VPS13C: variants seen among roughly 807,000 people sequenced by gnomAD.
VPS13C encodes intermembrane lipid transfer protein VPS13C.
A neutral mutation model predicts 456.8 loss-of-function variants in VPS13C; 358 were observed. That is an observed-to-expected ratio of 0.78 (90% CI 0.72 to 0.86). The LOEUF is 0.86. Among genes scored for constraint, VPS13C ranks in the 40% least tolerant of loss-of-function variants. The pLI, the probability that VPS13C is intolerant of heterozygous loss-of-function variation, is 0.00. For synonymous variants in VPS13C, 1,578 were observed against 1,486.7 expected, an observed-to-expected ratio of 1.06 and a Z score of -1.41; for missense variants, 4,818 against 4,385.4, an observed-to-expected ratio of 1.10 and a Z score of -2.79.
intron 80 of VPS13C, 76 bp from the exon 81 acceptor site, chr15:61,868,849 A>G: frequency 8.6e-7 from 1 of 1,156,592 alleles, no homozygotes; most frequent in Non-Finnish European, 1.2e-6. Context: ...GATTAAATAC[A>G]TAAATATTTC....
intron 24 of VPS13C, among the ~76,000 whole-genome samples, chr15:61,975,148 T>C (rs1220675969): frequency 1.3e-5 from 2 of 152,050 alleles, no homozygotes; most frequent in Non-Finnish European, 2.9e-5. Flanking sequence ...GAGGGAAATA[T>C]AAAGCACTAA....
At chr15:62,002,464 T>C (rs1202134710) in intron 15 of VPS13C, among the ~76,000 whole-genome samples, 10 of 152,202 alleles carry the variant, frequency 6.6e-5, no homozygotes, top group Non-Finnish European at 1.5e-4. Flanking sequence ...TCCCATTTTG[T>C]AGGTTGCCTG....
intron 3 of VPS13C, among the ~76,000 whole-genome samples, chr15:62,040,796 T>C (rs1285817539): frequency 1.3e-5 from 2 of 152,178 alleles, no homozygotes; most frequent in Non-Finnish European, 2.9e-5. Flanking sequence ...AAATTTCCTA[T>C]TGAAAAAATT....
chr15:61,895,611 T>C (rs530083690), intron 66 of VPS13C, among the ~76,000 whole-genome samples: 1 of 152,204 alleles, frequency 6.6e-6, no homozygotes, highest in East Asian at 1.9e-4. Flanking sequence ...CAGAGATAAA[T>C]TTCTGGACAC....
chr15:61,988,106 T>G (rs1428984196), intron 18 of VPS13C, among the ~76,000 whole-genome samples: 3 of 152,184 alleles, frequency 2.0e-5, no homozygotes, highest in African/African-American at 7.2e-5. Flanking sequence ...AATATTATTT[T>G]GAGCAAAAGA....
In VPS13C at chr15:61,949,487, A is replaced by C; in HGVS notation, c.4715T>G (p.Leu1572Arg). The C allele has an allele frequency of 1.9e-6, 3 of 1,613,578 alleles. No individual in the cohort carries two copies. Among genetic ancestry groups the C allele is most frequent in the Non-Finnish European group, 2.5e-6 (3 of 1,179,850 alleles). ...EPSSSEKESE[L>R]KPLVGESRSI... ...TCTGGACTCCCCCACAAGTGGTTTC[A>C]GCTCGGATTCCTTCTCAGAAGAGGA... The change falls in exon 42 of 85, where the codon CTG (leucine) becomes CGG (arginine). Residue 1572 changes from leucine to arginine, a missense_variant. Leu to Arg is a moderately radical substitution (Grantham distance 102, BLOSUM62 -2). Around this residue, in one of 3 missense-constraint regions of VPS13C, gnomAD observed 4,552 missense variants for 4,130.6 expected, o/e 1.10. Transcript: ENST00000644861.
chr15:61,913,478 G>A (rs745937977), intron 61 of VPS13C, 63 bp from the exon 62 acceptor site: 1 of 1,432,142 alleles, frequency 7.0e-7, no homozygotes, highest in Non-Finnish European at 9.7e-7. Flanking sequence ...TTTTATTTGA[G>A]AGAAAGTTGC....
intron 49 of VPS13C, 83 bp downstream of exon 49, chr15:61,934,136 C>A: frequency 1.2e-6 from 1 of 813,250 alleles, no homozygotes; most frequent in Non-Finnish European, 1.8e-6. Context: ...AATGAAAAGT[C>A]CCACACAAAA....
At chr15:61,939,647 C>T (rs1279602406) in intron 47 of VPS13C, among the ~76,000 whole-genome samples, 2 of 152,166 alleles carry the variant, frequency 1.3e-5, no homozygotes, top group African/African-American at 4.8e-5. Flanking sequence ...TACCTTCAAC[C>T]AGTCTCACCT....
In VPS13C at chr15:61,945,864, C is replaced by T. The variant is rs1217760581; in HGVS notation, c.4999G>A (p.Asp1667Asn). 6.2e-7 allele frequency: 1 copy of T among 1,608,968 alleles called. No individual in the cohort carries two copies. Among genetic ancestry groups the T allele is most frequent in the Non-Finnish European group, 8.5e-7 (1 of 1,178,636 alleles). Residue 1667 changes from aspartate (D) to asparagine (N), a missense_variant, in exon 45 of 85, where the codon GAT (aspartate) becomes AAT (asparagine). This residue lies in a region of VPS13C where 4,552 missense variants were observed against 4,130.6 expected (regional missense o/e 1.10). Transcript: ENST00000644861. ...IHKKAVSILGDEVFRFQLTLY... is the reference protein window; with the variant it reads ...IHKKAVSILGNEVFRFQLTLY... ...GTCAGTTGGAACCTAAAGACTTCATCTCCCAAAATAGAGACAGCCTAAAAG... is the reference window on the plus strand; with the variant it reads ...GTCAGTTGGAACCTAAAGACTTCATTTCCCAAAATAGAGACAGCCTAAAAG...
chr15:61,936,705 G>C lies in VPS13C; in HGVS notation c.5647C>G (p.Leu1883Val), dbSNP rs2044238304. 2 of 1,613,264 alleles carry C rather than the reference G, an allele frequency of 1.2e-6. No homozygotes were observed. Among genetic ancestry groups the C allele is most frequent in the African/African-American group, 1.3e-5 (1 of 74,864 alleles). ...GAGGAAGCTTCTCCAAGATTTTCTA[G>C]CAAAATTTTCATTAAAACTGTCAAG... ...DDLTVLMKILLENLGEASSQP... is the reference protein window; with the variant it reads ...DDLTVLMKILVENLGEASSQP... Residue 1883 changes from leucine to valine, a missense_variant, in exon 48 of 85, where the codon CTA (leucine) becomes GTA (valine). Transcript: ENST00000644861.
intron 47 of VPS13C, among the ~76,000 whole-genome samples, chr15:61,937,180 G>T (rs986935933): frequency 6.6e-6 from 1 of 152,168 alleles, no homozygotes; most frequent in East Asian, 1.9e-4. Context: ...ATAGTAAAAA[G>T]ATGCTCTCCT....
intron 16 of VPS13C, among the ~76,000 whole-genome samples, chr15:61,992,766 A>T: frequency 6.6e-6 from 1 of 152,154 alleles, no homozygotes; most frequent in East Asian, 1.9e-4. Context: ...CTTGCTGCAC[A>T]AAAGAATCAT....
intron 43 of VPS13C, among the ~76,000 whole-genome samples, chr15:61,946,752 G>C (rs2044619025): frequency 6.6e-6 from 1 of 151,670 alleles, no homozygotes; most frequent in Non-Finnish European, 1.5e-5. Context: ...GATCAGCAGT[G>C]GTCATTTAGG....
intron 47 of VPS13C, among the ~76,000 whole-genome samples, chr15:61,938,842 G>A (rs1272610219): frequency 6.6e-6 from 1 of 152,018 alleles, no homozygotes; most frequent in Non-Finnish European, 1.5e-5. Flanking sequence ...TTCGCCCTTA[G>A]AGAAAGACAC....
At chr15:61,969,222 T>C (rs1183700847) in intron 28 of VPS13C, 77 bp downstream of exon 28, 2 of 1,039,072 alleles carry the variant, frequency 1.9e-6, no homozygotes, top group Non-Finnish European at 2.8e-6. Context: ...ATAAATACAA[T>C]ATAAATGAAA....
In VPS13C at chr15:61,954,376, T is replaced by A. The variant is rs528403555; in HGVS notation, c.4299+45A>T. The stretch of plus-strand genomic sequence containing the variant: ...TTAGTAGAGGTAATTCCAATATCCA[T>A]TACTTATTCACCTCACTTTACAAAA... On this transcript the variant is annotated intron_variant, in intron 38 of 84. Coordinates refer to ENST00000644861, the MANE Select transcript of VPS13C (RefSeq NM_020821.3). 1.9e-6 allele frequency: 3 copies of A among 1,581,140 alleles called. No individual in the cohort carries two copies. The African/African-American group carries it at 4.1e-5, about 22-fold the overall frequency.
chr15:61,975,570 A>G (rs2045678058), intron 24 of VPS13C, among the ~76,000 whole-genome samples: 1 of 152,136 alleles, frequency 6.6e-6, no homozygotes, highest in African/African-American at 2.4e-5. Flanking sequence ...CTTGGAACAT[A>G]CAGATCATAC....
In VPS13C at chr15:62,060,357, C is replaced by G; in HGVS notation, c.18G>C (p.Val6=). Residue 6 remains valine (V), a synonymous_variant, in exon 1 of 85, where the codon GTG becomes GTC. Coordinates refer to ENST00000644861, the MANE Select transcript of VPS13C (RefSeq NM_020821.3). MVLES[V]VADLLNRFLG... ...GGAAGCGGTTCAGCAAGTCCGCGAC[C>G]ACCGACTCCAGCACCATGGTGGCGC... 1.3e-6 allele frequency: 2 copies of G among 1,599,670 alleles called. No homozygotes were observed. Among genetic ancestry groups the G allele is most frequent in the Non-Finnish European group, 1.7e-6 (2 of 1,172,480 alleles).
Sources: gnomAD v4.1 joint callset for allele counts (sites outside exome capture counted in the v4.1 genomes callset) on GRCh38, gnomAD v4.1.1 for gene constraint, gnomAD v4.1.1 regional missense constraint, MANE v1.5 for transcripts, NCBI Gene and HGNC (gene_info 2026-07-23, HGNC 2026-07-21) for gene names.